The following CTNNA3 variants were observed in gnomAD, a reference collection of about 807,000 sequenced individuals.
The protein encoded by CTNNA3 is catenin alpha 3.
A neutral mutation model predicts 95.7 loss-of-function variants in CTNNA3; 76 were observed. The observed-to-expected ratio is 0.79, with a 90% CI of 0.66 to 0.96. The LOEUF (loss-of-function observed/expected upper bound fraction) is 0.96. Ranked by LOEUF, CTNNA3 falls within the 40% of genes least tolerant of loss-of-function variation. The probability of loss-of-function intolerance (pLI) is 0.00; values close to 1 mark genes in which losing one functional copy is unlikely to be tolerated. For missense variants in CTNNA3, 1,191 were observed against 1,089.8 expected (o/e 1.09, Z -1.31); for synonymous variants, 431 against 374.4 (o/e 1.15, Z -1.74).
At chr10:66,432,377 C>T (rs536899686) in intron 11 of CTNNA3, among the ~76,000 whole-genome samples, 9 of 152,138 alleles carry the variant, frequency 5.9e-5, no homozygotes, top group South Asian at 4.1e-4. Flanking sequence ...TTCTGGGATA[C>T]GCCAGGTGCG....
At chr10:66,460,278 A>G (rs1283328287) in intron 11 of CTNNA3, among the ~76,000 whole-genome samples, 1 of 152,192 alleles carries the variant, frequency 6.6e-6, no homozygotes. Flanking sequence ...AGGCTGAGAA[A>G]CTTGTGCCAG....
intron 7 of CTNNA3, among the ~76,000 whole-genome samples, chr10:67,141,436 A>G (rs577678168): frequency 2.6e-5 from 4 of 152,258 alleles, no homozygotes; most frequent in South Asian, 4.1e-4. Context: ...CCTAAGCCCA[A>G]TTGGCAGCCC....
chr10:67,063,003 T>C (rs1359854183), intron 7 of CTNNA3, among the ~76,000 whole-genome samples: 2 of 152,126 alleles, frequency 1.3e-5, no homozygotes, highest in African/African-American at 4.8e-5. Flanking sequence ...TCTTTTAGGC[T>C]TTCCAGTGCT....
intron 13 of CTNNA3, among the ~76,000 whole-genome samples, chr10:66,263,652 C>G (rs1483872552): frequency 1.3e-5 from 2 of 151,962 alleles, no homozygotes; most frequent in East Asian, 3.9e-4. Flanking sequence ...CAAATCCTCT[C>G]ATTATATCTA....
intron 12 of CTNNA3, among the ~76,000 whole-genome samples, chr10:66,368,277 T>G (rs546855753): frequency 6.6e-6 from 1 of 152,166 alleles, no homozygotes; most frequent in South Asian, 2.1e-4. Context: ...AGTGTTGTGA[T>G]AAGAAGTCTA....
intron 11 of CTNNA3, among the ~76,000 whole-genome samples, chr10:66,508,505 A>G (rs1344644645): frequency 6.6e-6 from 1 of 152,038 alleles, no homozygotes. Context: ...CAGCTTCCCT[A>G]TATGAGCCAC....
intron 7 of CTNNA3, among the ~76,000 whole-genome samples, chr10:66,786,545 A>G (rs1840753004): frequency 6.6e-6 from 1 of 152,210 alleles, no homozygotes; most frequent in Non-Finnish European, 1.5e-5. Flanking sequence ...ATTAGAAGAG[A>G]GGGACTGGCA....
chr10:67,441,466 A>G (rs185594665), intron 5 of CTNNA3, among the ~76,000 whole-genome samples: 1 of 152,254 alleles, frequency 6.6e-6, no homozygotes, highest in African/African-American at 2.4e-5. Context: ...AGAAGACTAT[A>G]GAACACCAAG....
chr10:66,015,259 A>T (rs2079072938), intron 15 of CTNNA3, among the ~76,000 whole-genome samples: 1 of 152,162 alleles, frequency 6.6e-6, no homozygotes, highest in Admixed American at 6.5e-5. Context: ...AACCATATCA[A>T]CACCTAATAG....
intron 5 of CTNNA3, among the ~76,000 whole-genome samples, chr10:67,504,135 C>G (rs1839340222): frequency 1.4e-5 from 2 of 141,306 alleles, no homozygotes; most frequent in Admixed American, 1.5e-4. Flanking sequence ...CCAGCCTGGG[C>G]AACAGAGCAA....
chr10:67,726,370 G>GAAATTATATATATTATATATA (rs1841217106), intron 1 of CTNNA3, among the ~76,000 whole-genome samples: 1 of 51,100 alleles, frequency 2.0e-5, no homozygotes, highest in Admixed American at 3.7e-4. Flanking sequence ...TATAATATAT[G>GAAATTATATATATTATATATA]ATATTATATA....
chr10:66,452,013 A>G (rs554134710), intron 11 of CTNNA3, among the ~76,000 whole-genome samples: 1 of 151,964 alleles, frequency 6.6e-6, no homozygotes, highest in East Asian at 1.9e-4. Context: ...TCATCTTCCT[A>G]TTTCTGAATG....
chr10:67,067,831 A>G (rs1856186679), intron 7 of CTNNA3, among the ~76,000 whole-genome samples: 1 of 152,230 alleles, frequency 6.6e-6, no homozygotes, highest in African/African-American at 2.4e-5. Flanking sequence ...ACATACTCTC[A>G]GTCTCATGAA....
chr10:67,044,557 C>A (rs977346349), intron 7 of CTNNA3, among the ~76,000 whole-genome samples: 1 of 152,060 alleles, frequency 6.6e-6, no homozygotes, highest in Non-Finnish European at 1.5e-5. Context: ...TGTGAGTGCT[C>A]ATTATAAGAA....
At chr10:67,135,849 T>A (rs554746772) in intron 7 of CTNNA3, among the ~76,000 whole-genome samples, 1 of 152,324 alleles carries the variant, frequency 6.6e-6, no homozygotes, top group South Asian at 2.1e-4. Flanking sequence ...TCATTCAAAT[T>A]TCTTTTGACC....
At chr10:67,389,473 C>A (rs1333065879) in intron 5 of CTNNA3, among the ~76,000 whole-genome samples, 1 of 152,074 alleles carries the variant, frequency 6.6e-6, no homozygotes, top group Non-Finnish European at 1.5e-5. Context: ...GAGACTTTAA[C>A]ACCCCACTGT....
At chr10:66,661,698 G>A (rs8181349) in intron 9 of CTNNA3, among the ~76,000 whole-genome samples, 3,564 of 152,064 alleles carry the variant, frequency 0.023, 244 homozygotes, top group East Asian at 0.16. Flanking sequence ...TGTACACCTT[G>A]GCCACTATTG....
chr10:66,528,729 T>C (rs1841357219), intron 10 of CTNNA3, among the ~76,000 whole-genome samples: 1 of 152,126 alleles, frequency 6.6e-6, no homozygotes, highest in African/African-American at 2.4e-5. Flanking sequence ...ATAGAACCAA[T>C]AGAGACTTTG....
intron 13 of CTNNA3, among the ~76,000 whole-genome samples, chr10:66,106,008 G>A (rs764292794): frequency 3.9e-5 from 6 of 152,074 alleles, no homozygotes; most frequent in Non-Finnish European, 8.8e-5. Flanking sequence ...AGATGTTCGA[G>A]ACCAGCCTGA....
Sources: gnomAD v4.1 joint callset for allele counts (sites outside exome capture counted in the v4.1 genomes callset) on GRCh38, gnomAD v4.1.1 for gene constraint, MANE v1.5 for transcripts, NCBI Gene and HGNC (gene_info 2026-07-23, HGNC 2026-07-21) for gene names.